MAPRE2: variants seen among roughly 807,000 people sequenced by gnomAD.
MAPRE2 encodes the protein microtubule-associated protein RP/EB family member 2.
Under a neutral mutation model 43.2 loss-of-function variants are expected in MAPRE2, and 13 were observed. The ratio of observed to expected loss-of-function variants is 0.30; its 90% CI spans 0.20 to 0.48. MAPRE2 has a LOEUF of 0.48. Among genes scored for constraint, MAPRE2 ranks in the 20% least tolerant of loss-of-function variants. The pLI, the probability that MAPRE2 is intolerant of heterozygous loss-of-function variation, is 0.99. For missense variants in MAPRE2, 161 were observed against 400.2 expected, an observed-to-expected ratio of 0.40 and a Z score of 5.10; for synonymous variants, 135 against 148.8, an observed-to-expected ratio of 0.91 and a Z score of 0.68.
At chr18:34,991,183 C>G (rs948300264) in intron 1 of MAPRE2, among the ~76,000 whole-genome samples, 3 of 152,106 alleles carry the variant, frequency 2.0e-5, no homozygotes, top group African/African-American at 7.2e-5. Flanking sequence ...CTGCCTCTTT[C>G]CTCCCCTCTC....
intron 6 of MAPRE2, among the ~76,000 whole-genome samples, chr18:35,137,125 C>G (rs957817114): frequency 5.3e-5 from 8 of 152,198 alleles, no homozygotes; most frequent in African/African-American, 9.7e-5. Context: ...ATGTGTTCTG[C>G]CAGACTCTCA....
intron 5 of MAPRE2, among the ~76,000 whole-genome samples, chr18:35,129,878 G>A (rs913971704): frequency 6.6e-6 from 1 of 152,222 alleles, no homozygotes; most frequent in African/African-American, 2.4e-5. Context: ...GATGAGGCTG[G>A]CATTGGTCTT....
chr18:35,090,144 T>C (rs1475789702), intron 2 of MAPRE2, among the ~76,000 whole-genome samples: 1 of 152,050 alleles, frequency 6.6e-6, no homozygotes, highest in Non-Finnish European at 1.5e-5. Flanking sequence ...GGAGAGATCA[T>C]AGAGAGCGAC....
intron 2 of MAPRE2, among the ~76,000 whole-genome samples, chr18:35,084,508 C>T (rs756972189): frequency 1.3e-5 from 2 of 152,156 alleles, no homozygotes; most frequent in Non-Finnish European, 2.9e-5. Flanking sequence ...TGCTGATGCT[C>T]TTAAAAATCT....
At chr18:35,041,345 T>G (rs548797233), upstream of MAPRE2, 9 of 1,438,422 alleles carry the variant, frequency 6.3e-6, no homozygotes, top group Admixed American at 1.7e-4. Context: ...AGGGTGCTGC[T>G]GCCGGCGCTC....
intron 2 of MAPRE2, among the ~76,000 whole-genome samples, chr18:35,075,614 A>G (rs2144115212): frequency 6.6e-6 from 1 of 152,300 alleles, no homozygotes; most frequent in South Asian, 2.1e-4. Context: ...TTGTAATGGA[A>G]TATTATTCAT....
rs537463382 is a variant in MAPRE2, at chr18:35,103,129, T to C, written c.610+970T>C. On this transcript the variant is annotated intron_variant, in intron 4 of 6. Transcript: ENST00000300249. ...CTGTATTCCAGGCAGACTGAAACCA[T>C]TGGAAAACTGGCATTACTTTTTGAA... 4.6e-5 allele frequency among the ~76,000 whole-genome samples: 7 copies of C among 152,290 alleles called. No individual in the cohort carries two copies. In the East Asian group the frequency reaches 5.8e-4, roughly 13 times the overall value.
chr18:35,053,692 G>A (rs1906069055), intron 1 of MAPRE2, among the ~76,000 whole-genome samples: 1 of 151,846 alleles, frequency 6.6e-6, no homozygotes, highest in Non-Finnish European at 1.5e-5. Flanking sequence ...TTCTTTAATT[G>A]TAACAAGGAT....
intron 2 of MAPRE2, among the ~76,000 whole-genome samples, chr18:35,022,125 G>A (rs1357371985): frequency 2.0e-5 from 3 of 152,110 alleles, no homozygotes; most frequent in African/African-American, 4.8e-5. Flanking sequence ...ACATGAAAAG[G>A]TTTGAAAACT....
chr18:35,014,096 A>T (rs910345518), intron 2 of MAPRE2, among the ~76,000 whole-genome samples: 32 of 152,270 alleles, frequency 2.1e-4, no homozygotes, highest in African/African-American at 7.5e-4. Context: ...CAAGAATCCG[A>T]ATAAGATGGC....
At chr18:35,057,010 TTTTG>T (rs770314599) in intron 1 of MAPRE2, among the ~76,000 whole-genome samples, 34 of 152,136 alleles carry the variant, frequency 2.2e-4, no homozygotes, top group Non-Finnish European at 4.1e-4. Flanking sequence ...CCCTCTGTTT[TTTTG>T]TTTGTTTGTT....
At chr18:35,123,442 A>C (rs182113606) in intron 4 of MAPRE2, among the ~76,000 whole-genome samples, 125 of 152,242 alleles carry the variant, frequency 8.2e-4, no homozygotes, top group African/African-American at 2.9e-3. Flanking sequence ...GTCACATGCT[A>C]TCTAGGGAAG....
chr18:35,001,422 G>A (rs1194429590), intron 1 of MAPRE2, among the ~76,000 whole-genome samples: 1 of 151,718 alleles, frequency 6.6e-6, no homozygotes, highest in Non-Finnish European at 1.5e-5. Context: ...GTTGAGGCAC[G>A]AGAATCGCTT....
At chr18:35,056,529 G>A (rs1033930481) in intron 1 of MAPRE2, among the ~76,000 whole-genome samples, 3 of 152,068 alleles carry the variant, frequency 2.0e-5, no homozygotes, top group Admixed American at 1.3e-4. Context: ...CTAGAAACTC[G>A]GTATGGAGGC....
intron 3 of MAPRE2, among the ~76,000 whole-genome samples, chr18:35,098,506 A>G (rs1240982009): frequency 6.6e-6 from 1 of 152,218 alleles, no homozygotes; most frequent in Admixed American, 6.5e-5. Flanking sequence ...ATTCTTATCA[A>G]TATATTAAGA....
chr18:35,100,616 T>C (rs902433092), intron 3 of MAPRE2, among the ~76,000 whole-genome samples: 1 of 152,200 alleles, frequency 6.6e-6, no homozygotes, highest in African/African-American at 2.4e-5. Flanking sequence ...ATATACACCA[T>C]GGAATACTAG....
At position 35,143,370 on chromosome 18, in the gene MAPRE2, T is replaced by C. The variant is rs1379319416; in HGVS notation, c.*3001T>C. ...ACATTCATTTTACATTACCCACCTA[T>C]TGTCGCATGGTAGAATAGTTTTTTG... On this transcript the variant is annotated 3_prime_UTR_variant, in exon 7 of 7. Transcript: ENST00000300249. The C allele has an allele frequency of 2.0e-5, 3 of 152,142 alleles. No individual in the cohort carries two copies. 9.4% of individuals were successfully genotyped at this position (152,142 alleles called of 1,614,324 possible). A position where few individuals can be genotyped will look rare whatever the true frequency, so the allele number is the denominator to read the frequency against.
intron 1 of MAPRE2, chr18:34,978,392 C>G (rs1392124828): frequency 1.2e-6 from 1 of 867,208 alleles, no homozygotes; most frequent in Middle Eastern, 2.2e-4. Flanking sequence ...GGCCGCGCTG[C>G]GAGGCGGAGG....
chr18:35,122,812 C>T (rs1439285922), intron 4 of MAPRE2, among the ~76,000 whole-genome samples: 1 of 152,230 alleles, frequency 6.6e-6, no homozygotes, highest in Non-Finnish European at 1.5e-5. Flanking sequence ...CTGACCTTTG[C>T]CTGATTCGTG....
Sources: allele counts gnomAD v4.1 joint callset (sites outside exome capture counted in the v4.1 genomes callset), GRCh38; gene constraint gnomAD v4.1.1; transcripts MANE v1.5; gene names NCBI Gene and HGNC (gene_info 2026-07-23, HGNC 2026-07-21).